Variants in GALNT10 observed in about 807,000 individuals in gnomAD.
GALNT10 encodes the protein GalNAc transferase 10.
Under a neutral mutation model 75.0 loss-of-function variants are expected in GALNT10, and 41 were observed. The ratio of observed to expected loss-of-function variants is 0.55; its 90% CI spans 0.43 to 0.71. The LOEUF is 0.71. Among genes scored for constraint, GALNT10 ranks in the 30% least tolerant of loss-of-function variants. GALNT10 has a pLI of 0.00. For missense variants in GALNT10, 727 were observed against 818.5 expected (o/e 0.89, Z 1.36); for synonymous variants, 302 against 313.0 (o/e 0.96, Z 0.37).
chr5:154,247,214 CTTGTAGTA>C (rs1753441154), intron 1 of GALNT10, among the ~76,000 whole-genome samples: 1 of 152,118 alleles, frequency 6.6e-6, no homozygotes, highest in Non-Finnish European at 1.5e-5. Flanking sequence ...TTACTGTAGC[CTTGTAGTA>C]TAGTTTGAAG....
intron 4 of GALNT10, among the ~76,000 whole-genome samples, chr5:154,360,581 A>G (rs1755369877): frequency 6.6e-6 from 1 of 152,212 alleles, no homozygotes; most frequent in South Asian, 2.1e-4. Flanking sequence ...GAATACAACC[A>G]ATACCATATC....
intron 9 of GALNT10, among the ~76,000 whole-genome samples, chr5:154,410,723 AGGGAAAGCAG>A (rs1291988937): frequency 6.6e-6 from 1 of 152,056 alleles, no homozygotes; most frequent in Non-Finnish European, 1.5e-5. Context: ...TCCGGTTTGA[AGGGAAAGCAG>A]GGCCTCTGGG....
chr5:154,289,232 G>A lies in GALNT10; in HGVS notation c.160-5584G>A, dbSNP rs943615163. On this transcript the variant is annotated intron_variant, in intron 1 of 11. Transcript: ENST00000297107. ...CCCAGACACTGGGACACTTTGTCCCGGATTAGCTCAGTTAATCCTCCCAAC... is the reference window on the plus strand; with the variant it reads ...CCCAGACACTGGGACACTTTGTCCCAGATTAGCTCAGTTAATCCTCCCAAC... Among the ~76,000 whole-genome samples, 7 of 152,104 alleles carry A rather than the reference G, an allele frequency of 4.6e-5. No individual in the cohort carries two copies. The East Asian group carries it at 5.8e-4, about 13-fold the overall frequency.
At chr5:154,238,966 G>A (rs990978908) in intron 1 of GALNT10, among the ~76,000 whole-genome samples, 33 of 152,170 alleles carry the variant, frequency 2.2e-4, no homozygotes, top group Admixed American at 2.0e-3. Context: ...AACTGAGGAA[G>A]CCGAGTCTCA....
At chr5:154,242,131 T>C (rs1263278605) in intron 1 of GALNT10, among the ~76,000 whole-genome samples, 2 of 152,186 alleles carry the variant, frequency 1.3e-5, no homozygotes. Flanking sequence ...CAGGGAACTT[T>C]TAAGGGACTT....
intron 8 of GALNT10, among the ~76,000 whole-genome samples, chr5:154,407,460 T>G (rs1756304727): frequency 6.7e-6 from 1 of 148,638 alleles, no homozygotes; most frequent in Admixed American, 6.6e-5. Context: ...AAAATGGTAA[T>G]TATAATTAGA....
At chr5:154,382,454 C>T (rs1755747843) in intron 6 of GALNT10, among the ~76,000 whole-genome samples, 3 of 152,236 alleles carry the variant, frequency 2.0e-5, no homozygotes, top group Non-Finnish European at 4.4e-5. Context: ...AATCAATCCT[C>T]AGTTGACCTA....
chr5:154,326,108 C>T (rs1411265701), intron 3 of GALNT10, among the ~76,000 whole-genome samples: 1 of 151,452 alleles, frequency 6.6e-6, no homozygotes, highest in Non-Finnish European at 1.5e-5. Flanking sequence ...TATACATTTA[C>T]TAGCCATTTT....
chr5:154,313,984 T>C (rs548702927), intron 3 of GALNT10, among the ~76,000 whole-genome samples: 74 of 152,230 alleles, frequency 4.9e-4, no homozygotes, highest in Non-Finnish European at 6.2e-4. Context: ...TTTCTGAGAA[T>C]GTTATATTTT....
Position 154,190,944 on chromosome 5 carries a change from G to C in GALNT10, c.78G>C (p.Gly26=). The C allele has an allele frequency of 6.6e-7, 1 of 1,511,072 alleles. No homozygotes were observed. The highest frequency in any genetic ancestry group is 8.8e-7 in the Non-Finnish European group (1 of 1,132,242). 93.6% of individuals were successfully genotyped at this position (1,511,072 alleles called of 1,614,324 possible). A position where few individuals can be genotyped will look rare whatever the true frequency, so the allele number is the denominator to read the frequency against. The change falls in exon 1 of 12, where the codon GGG becomes GGC. Residue 26 remains glycine (G), a synonymous_variant. Transcript: ENST00000297107. The part of the protein sequence containing the change: ...LAALVLLPNV[G]LWALYRERQP... ...CCCTGGTCCTCCTGCCCAACGTGGG[G>C]CTTTGGGCGCTGTACCGCGAGCGGC...
intron 1 of GALNT10, among the ~76,000 whole-genome samples, chr5:154,196,726 G>A (rs753163627): frequency 6.6e-6 from 1 of 152,252 alleles, no homozygotes; most frequent in Middle Eastern, 3.4e-3. Flanking sequence ...GGTCTTACCG[G>A]TCTACTTTGG....
chr5:154,415,998 A>AC, intron 11 of GALNT10, 66 bp downstream of exon 11: 2 of 1,443,640 alleles, frequency 1.4e-6, no homozygotes, highest in South Asian at 1.2e-5. Flanking sequence ...ACAGTGCTTC[A>AC]CCCCTTCTTT....
intron 1 of GALNT10, among the ~76,000 whole-genome samples, chr5:154,195,869 T>C (rs543269838): frequency 1.4e-4 from 22 of 152,288 alleles, no homozygotes; most frequent in Non-Finnish European, 2.9e-4. Flanking sequence ...GGCTATTTTT[T>C]TGTAGATCTA....
chr5:154,351,285 C>T (rs1319615286), intron 4 of GALNT10, among the ~76,000 whole-genome samples: 3 of 152,168 alleles, frequency 2.0e-5, no homozygotes, highest in Admixed American at 1.3e-4. Context: ...GGATGTGAGA[C>T]AGGATTTGAA....
intron 4 of GALNT10, among the ~76,000 whole-genome samples, chr5:154,331,745 GGAA>G (rs1291725690): frequency 2.0e-5 from 3 of 151,902 alleles, no homozygotes; most frequent in East Asian, 3.9e-4. Context: ...CTTTCTGTAG[GGAA>G]GAAGATTTTT....
At chr5:154,305,350 T>C (rs546569088) in intron 3 of GALNT10, among the ~76,000 whole-genome samples, 2 of 152,078 alleles carry the variant, frequency 1.3e-5, no homozygotes, top group African/African-American at 4.8e-5. Context: ...TGATGGACTT[T>C]AACCTGACCA....
chr5:154,411,755 G>C (rs998915944), intron 9 of GALNT10, among the ~76,000 whole-genome samples: 9 of 152,190 alleles, frequency 5.9e-5, no homozygotes, highest in African/African-American at 2.2e-4. Context: ...ACTTGTGTTA[G>C]TTCAAGTCCT....
chr5:154,322,089 A>G (rs1379221831), intron 3 of GALNT10, among the ~76,000 whole-genome samples: 1 of 152,236 alleles, frequency 6.6e-6, no homozygotes, highest in Non-Finnish European at 1.5e-5. Flanking sequence ...ACCATTTTAA[A>G]CAACATAGAG....
intron 3 of GALNT10, among the ~76,000 whole-genome samples, chr5:154,307,641 T>G (rs1266558337): frequency 2.2e-5 from 3 of 139,288 alleles, no homozygotes; most frequent in Admixed American, 2.1e-4. Flanking sequence ...AAAAAAGAAA[T>G]AATTCTATAC....
Sources: allele counts gnomAD v4.1 joint callset (sites outside exome capture counted in the v4.1 genomes callset), GRCh38; gene constraint gnomAD v4.1.1; transcripts MANE v1.5; gene names NCBI Gene and HGNC (gene_info 2026-07-23, HGNC 2026-07-21).